Variants in PDCD1LG2 observed in about 807,000 individuals in gnomAD.
PDCD1LG2 encodes B7 dendritic cell molecule.
Under a neutral mutation model 28.2 loss-of-function variants are expected in PDCD1LG2, and 32 were observed. That is an observed-to-expected ratio of 1.13 (90% CI 0.86 to 1.52). The LOEUF (loss-of-function observed/expected upper bound fraction) is 1.52, where lower values mean the gene tolerates loss of function less well. Ranked by LOEUF, PDCD1LG2 falls within the 40% of genes most tolerant of loss-of-function variation. The pLI is 0.00. For synonymous variants in PDCD1LG2, 116 were observed against 120.2 expected (o/e 0.97, Z 0.23); for missense variants, 385 against 323.8 (o/e 1.19, Z -1.45).
chr9:5,529,687 G>A (rs1302847157), intron 2 of PDCD1LG2, among the ~76,000 whole-genome samples: 4 of 152,110 alleles, frequency 2.6e-5, no homozygotes, highest in Non-Finnish European at 5.9e-5. Context: ...TCCAGAGGTA[G>A]ATGAAAACCA....
intron 5 of PDCD1LG2, among the ~76,000 whole-genome samples, chr9:5,559,613 G>A (rs564918545): frequency 9.8e-5 from 15 of 152,308 alleles, no homozygotes; most frequent in Non-Finnish European, 1.0e-4. Context: ...CTTATTGGCC[G>A]AACTTCACTG....
chr9:5,532,317 G>C (rs1820498989), intron 2 of PDCD1LG2, among the ~76,000 whole-genome samples: 1 of 152,190 alleles, frequency 6.6e-6, no homozygotes, highest in Non-Finnish European at 1.5e-5. Flanking sequence ...GGTTAAAACA[G>C]GGATAGAGGC....
At chr9:5,544,469 T>C (rs1820753018) in intron 3 of PDCD1LG2, among the ~76,000 whole-genome samples, 1 of 152,140 alleles carries the variant, frequency 6.6e-6, no homozygotes, top group Non-Finnish European at 1.5e-5. Context: ...CCCTTCTCCC[T>C]CCAGTCCACC....
chr9:5,543,831 A>G (rs982935896), intron 3 of PDCD1LG2, among the ~76,000 whole-genome samples: 5 of 102,886 alleles, frequency 4.9e-5, no homozygotes, highest in African/African-American at 1.9e-4. Context: ...AAAGAAAGAA[A>G]TTATTTTAAA....
intron 2 of PDCD1LG2, among the ~76,000 whole-genome samples, chr9:5,526,160 GT>G (rs1157887906): frequency 1.3e-5 from 2 of 152,124 alleles, no homozygotes; most frequent in Non-Finnish European, 2.9e-5. Context: ...CTTAGGGTAG[GT>G]GGTAGGTTCA....
intron 1 of PDCD1LG2, among the ~76,000 whole-genome samples, chr9:5,518,797 A>G (rs1323493836): frequency 6.6e-6 from 1 of 152,142 alleles, no homozygotes; most frequent in Non-Finnish European, 1.5e-5. Flanking sequence ...TTTTGAACCT[A>G]TTCAAGCTTT....
intron 2 of PDCD1LG2, among the ~76,000 whole-genome samples, chr9:5,532,374 A>G (rs1298145231): frequency 6.6e-6 from 1 of 152,246 alleles, no homozygotes; most frequent in Non-Finnish European, 1.5e-5. Flanking sequence ...GTTTGTGCAT[A>G]TCACTATCAA....
rs369302753 is a variant in PDCD1LG2, at chr9:5,534,784, T to G, written c.95T>G (p.Ile32Arg). The change falls in exon 3 of 7, where the codon ATA (isoleucine) becomes AGA (arginine). Residue 32 changes from isoleucine to arginine, a missense_variant. Physicochemically the swap from Ile to Arg is moderately conservative, Grantham distance 97. Coordinates refer to ENST00000397747, the MANE Select transcript of PDCD1LG2 (RefSeq NM_025239.4). ...TVTVPKELYI[I>R]EHGSNVTLEC... is the part of the protein sequence containing the mutation. Reference sequence around the variant, plus strand: ...ACAGTCCCTAAGGAACTGTACATAATAGAGCATGGCAGCAATGTGACCCTG... The same window carrying G: ...ACAGTCCCTAAGGAACTGTACATAAGAGAGCATGGCAGCAATGTGACCCTG... 1 of 1,613,942 alleles carries G rather than the reference T, an allele frequency of 6.2e-7. No individual in the cohort carries two copies. The highest frequency in any genetic ancestry group is 8.5e-7 in the Non-Finnish European group (1 of 1,179,908).
At chr9:5,546,608 C>G (rs1370621718) in intron 3 of PDCD1LG2, among the ~76,000 whole-genome samples, 1 of 152,120 alleles carries the variant, frequency 6.6e-6, no homozygotes. Flanking sequence ...CTGGGTGCTC[C>G]TAAGAACCTC....
intron 6 of PDCD1LG2, among the ~76,000 whole-genome samples, chr9:5,568,726 G>C (rs1344372035): frequency 6.6e-6 from 1 of 152,210 alleles, no homozygotes; most frequent in African/African-American, 2.4e-5. Flanking sequence ...AGGCAGCACA[G>C]TTGTCTCAGG....
At chr9:5,543,410 G>A (rs1039639676) in intron 3 of PDCD1LG2, among the ~76,000 whole-genome samples, 4 of 152,052 alleles carry the variant, frequency 2.6e-5, no homozygotes, top group Non-Finnish European at 2.9e-5. Flanking sequence ...GTGGTGGCAG[G>A]CACCTGCAGT....
chr9:5,542,617 C>A lies in PDCD1LG2; in HGVS notation c.362-6718C>A, dbSNP rs1820707660. ...AACATCACTAATTCTCAGGGAAATG[C>A]AAATCAAAACCACACTGCGATACCA... is the stretch of plus-strand genomic sequence containing the variant. On this transcript the variant is annotated intron_variant, in intron 3 of 6. Transcript: ENST00000397747. Among the ~76,000 whole-genome samples the A allele has an allele frequency of 3.3e-5, 5 of 152,216 alleles. No individual in the cohort carries two copies. The South Asian group carries it at 1.0e-3, about 32-fold the overall frequency.
intron 3 of PDCD1LG2, among the ~76,000 whole-genome samples, chr9:5,547,618 T>C (rs2129864355): frequency 6.6e-6 from 1 of 152,314 alleles, no homozygotes; most frequent in East Asian, 1.9e-4. Context: ...CAATATGATG[T>C]TTTGATCTAT....
Position 5,540,586 on chromosome 9 carries a change from C to T in PDCD1LG2, c.361+5536C>T, listed in dbSNP as rs142010698. Among the ~76,000 whole-genome samples, 18 of 152,226 alleles carry T rather than the reference C, an allele frequency of 1.2e-4. 1 individual carries two copies. Among genetic ancestry groups the T allele is most frequent in the African/African-American group, 4.1e-4 (17 of 41,546 alleles). ...AGATTATTCAAGGCCACTATGAACA[C>T]CTTTACACGTACAAACTAGAAAAGC... On this transcript the variant is annotated intron_variant, in intron 3 of 6. Coordinates refer to ENST00000397747, the MANE Select transcript of PDCD1LG2 (RefSeq NM_025239.4).
chr9:5,514,556 A>G (rs1257642091), intron 1 of PDCD1LG2, among the ~76,000 whole-genome samples: 1 of 152,192 alleles, frequency 6.6e-6, no homozygotes, highest in Non-Finnish European at 1.5e-5. Flanking sequence ...AATGCAATTG[A>G]GTAAATTGAT....
intron 1 of PDCD1LG2, among the ~76,000 whole-genome samples, chr9:5,517,916 T>G (rs551369508): frequency 1.3e-5 from 2 of 152,226 alleles, no homozygotes; most frequent in South Asian, 2.1e-4. Context: ...AAAATAGCAG[T>G]GAGAAGGCTC....
chr9:5,543,088 CTA>C (rs959167482), intron 3 of PDCD1LG2, among the ~76,000 whole-genome samples: 1 of 152,094 alleles, frequency 6.6e-6, no homozygotes, highest in Non-Finnish European at 1.5e-5. Flanking sequence ...GAATTAGAGA[CTA>C]TTATTCTAAG....
At chr9:5,566,696 C>G (rs1415816963) in intron 6 of PDCD1LG2, among the ~76,000 whole-genome samples, 1 of 151,994 alleles carries the variant, frequency 6.6e-6, no homozygotes, top group Non-Finnish European at 1.5e-5. Context: ...GTTGTTTGTT[C>G]CTACAGCATT....
At chr9:5,518,879 C>T (rs559171415) in intron 1 of PDCD1LG2, among the ~76,000 whole-genome samples, 13 of 152,218 alleles carry the variant, frequency 8.5e-5, no homozygotes, top group Non-Finnish European at 1.6e-4. Flanking sequence ...AAATGCAACT[C>T]TCAAGAGTAT....
Sources: allele counts gnomAD v4.1 joint callset (sites outside exome capture counted in the v4.1 genomes callset), GRCh38; gene constraint gnomAD v4.1.1; transcripts MANE v1.5; gene names NCBI Gene and HGNC (gene_info 2026-07-23, HGNC 2026-07-21).